KAZN: variants seen among roughly 807,000 people sequenced by gnomAD.
The protein encoded by KAZN is kazrin.
KAZN carries 40 observed loss-of-function variants against 87.4 expected under a neutral mutation model. That is an observed-to-expected ratio of 0.46 (90% CI 0.36 to 0.60). The LOEUF (loss-of-function observed/expected upper bound fraction) is 0.60. Among genes scored for constraint, KAZN ranks in the 20% least tolerant of loss-of-function variants. The probability of loss-of-function intolerance (pLI) is 0.00; values close to 1 mark genes in which losing one functional copy is unlikely to be tolerated. For missense variants in KAZN, 898 were observed against 1,073.9 expected (o/e 0.84, Z 2.29); for synonymous variants, 466 against 458.3 (o/e 1.02, Z -0.22).
At chr1:14,636,820 T>C (rs34280651) in intron 1 of KAZN, among the ~76,000 whole-genome samples, 25,446 of 152,178 alleles carry the variant, frequency 0.17, 2,385 homozygotes, top group South Asian at 0.26. Context: ...ATTTGTGAGA[T>C]ACCATCCTCC....
Position 15,060,231 on chromosome 1 carries a change from G to A in KAZN, c.976G>A (p.Ala326Thr), listed in dbSNP as rs201391952. The change falls in exon 6 of 15, where the codon GCC (alanine) becomes ACC (threonine). Residue 326 changes from alanine (A) to threonine (T), a missense_variant. Ala to Thr is a moderately conservative substitution (Grantham distance 58). This residue lies in a region of KAZN where 521 missense variants were observed against 689.4 expected (regional missense o/e 0.76). Transcript: ENST00000376030. ...QPSVISDASA[A>T]EGDRSSTPSD... ...CTCTGTCATCTCCGACGCATCTGCC[G>A]CCGAAGGCGACCGGTCGTCCACACC... The A allele has an allele frequency of 7.3e-5, 118 of 1,614,228 alleles. 1 individual carries two copies. The highest frequency in any genetic ancestry group is 8.6e-5 in the Non-Finnish European group (102 of 1,180,038).
chr1:15,042,417 G>T (rs1673014168), intron 3 of KAZN, among the ~76,000 whole-genome samples: 1 of 152,174 alleles, frequency 6.6e-6, no homozygotes. Context: ...GTTAGAGAGG[G>T]CCTGGGGCTT....
chr1:14,762,786 G>T (rs533274445), intron 1 of KAZN, among the ~76,000 whole-genome samples: 1 of 151,976 alleles, frequency 6.6e-6, no homozygotes, highest in East Asian at 1.9e-4. Context: ...CCACCCCACA[G>T]GGGCCATGGG....
intron 1 of KAZN, among the ~76,000 whole-genome samples, chr1:14,601,154 G>A (rs988777296): frequency 6.6e-6 from 1 of 152,220 alleles, no homozygotes; most frequent in Non-Finnish European, 1.5e-5. Flanking sequence ...CTGGCTGTGG[G>A]TGGTAGGATG....
chr1:14,978,744 G>A (rs560045603), intron 2 of KAZN, among the ~76,000 whole-genome samples: 1 of 151,954 alleles, frequency 6.6e-6, no homozygotes, highest in South Asian at 2.1e-4. Context: ...AAGATGGGGG[G>A]CTTTGCCAGG....
chr1:14,518,272 G>A (rs889452131), intron 2 of KAZN, among the ~76,000 whole-genome samples: 3 of 149,028 alleles, frequency 2.0e-5, no homozygotes, highest in African/African-American at 7.5e-5. Context: ...CATCTCCCAG[G>A]TTCAAGCGAT....
chr1:14,937,360 T>C (rs897276264), intron 1 of KAZN, among the ~76,000 whole-genome samples: 3 of 152,184 alleles, frequency 2.0e-5, no homozygotes, highest in African/African-American at 7.2e-5. Context: ...AGTTTTCTCT[T>C]TTACGAGTTG....
At chr1:14,200,604 A>G (rs56154644) in intron 2 of KAZN, among the ~76,000 whole-genome samples, 5,292 of 152,316 alleles carry the variant, frequency 0.035, 138 homozygotes, top group Middle Eastern at 0.058. Context: ...CATATAGGCA[A>G]ACACAGAAAG....
At chr1:14,016,560 T>A (rs78561635) in intron 1 of KAZN, among the ~76,000 whole-genome samples, 3,422 of 152,162 alleles carry the variant, frequency 0.022, 127 homozygotes, top group African/African-American at 0.077. Flanking sequence ...TTGTACACAA[T>A]CCACTGTGGG....
At chr1:14,858,897 T>C (rs1431349799) in intron 1 of KAZN, among the ~76,000 whole-genome samples, 1 of 152,160 alleles carries the variant, frequency 6.6e-6, no homozygotes, top group Non-Finnish European at 1.5e-5. Flanking sequence ...TGAAGATCCA[T>C]GAGATAAAAT....
chr1:14,449,511 G>C (rs962163353), intron 2 of KAZN, among the ~76,000 whole-genome samples: 2 of 152,162 alleles, frequency 1.3e-5, no homozygotes, highest in African/African-American at 2.4e-5. Context: ...CTGGGCAGCA[G>C]GAATAGGAAT....
intron 1 of KAZN, among the ~76,000 whole-genome samples, chr1:14,697,258 G>T (rs1263979546): frequency 6.6e-6 from 1 of 151,804 alleles, no homozygotes; most frequent in African/African-American, 2.4e-5. Context: ...TAAGCCCCGG[G>T]GGTCAAGGCT....
At chr1:15,090,802 AGAG>A (rs1255768710) in intron 8 of KAZN, among the ~76,000 whole-genome samples, 12 of 152,336 alleles carry the variant, frequency 7.9e-5, no homozygotes, top group Admixed American at 7.8e-4. Context: ...GGCAGCCCAC[AGAG>A]GAGGCAGGCA....
intron 1 of KAZN, among the ~76,000 whole-genome samples, chr1:13,950,914 G>T (rs962482639): frequency 6.6e-6 from 1 of 152,060 alleles, no homozygotes; most frequent in African/African-American, 2.4e-5. Flanking sequence ...GGAAGGAATC[G>T]CCTTCCCAAA....
At chr1:14,188,763 T>C (rs868113103) in intron 2 of KAZN, among the ~76,000 whole-genome samples, 21 of 152,318 alleles carry the variant, frequency 1.4e-4, no homozygotes, top group African/African-American at 4.8e-4. Context: ...AAACCAGTGT[T>C]AGTCTGAATG....
In KAZN at chr1:15,077,873, T is replaced by C. The variant is rs1639828247; in HGVS notation, c.1222+12120T>C. On this transcript the variant is annotated intron_variant, in intron 8 of 14. Transcript: ENST00000376030. The surrounding 1 kb of genome is among the most constrained non-coding windows in gnomAD (Gnocchi z 4.8). ...GCAGGGGGTGTGAGGAAAGCTAATA[T>C]GACTTGCTGACATTTACTAAGTGCC... is the stretch of plus-strand genomic sequence containing the variant. Among the ~76,000 whole-genome samples the C allele has an allele frequency of 1.3e-5, 2 of 152,136 alleles. No homozygotes were observed. The highest frequency in any genetic ancestry group is 1.5e-5 in the Non-Finnish European group (1 of 68,014).
intron 1 of KAZN, among the ~76,000 whole-genome samples, chr1:14,610,962 G>A (rs113647787): frequency 0.025 from 3,735 of 152,302 alleles, 94 homozygotes; most frequent in South Asian, 0.088. Flanking sequence ...TTAGATGCCT[G>A]TGGTCACTTT....
intron 1 of KAZN, among the ~76,000 whole-genome samples, chr1:14,604,268 A>G (rs1677192298): frequency 6.6e-6 from 1 of 152,186 alleles, no homozygotes; most frequent in Admixed American, 6.5e-5. Context: ...TTCAGAAAGA[A>G]TGATTTAGGA....
chr1:14,803,445 G>A (rs1646103836), intron 1 of KAZN, among the ~76,000 whole-genome samples: 1 of 152,238 alleles, frequency 6.6e-6, no homozygotes, highest in Non-Finnish European at 1.5e-5. Context: ...ACCAGGGAGT[G>A]AGATGCTGAA....
Sources: gnomAD v4.1 joint callset for allele counts (sites outside exome capture counted in the v4.1 genomes callset) on GRCh38, gnomAD v4.1.1 for gene constraint, gnomAD v4.1.1 regional missense constraint, Gnocchi (gnomAD v3.1) non-coding constraint, MANE v1.5 for transcripts, NCBI Gene and HGNC (gene_info 2026-07-23, HGNC 2026-07-21) for gene names.